The following FOXJ3 variants were observed in gnomAD, a reference collection of about 807,000 sequenced individuals.
FOXJ3 encodes forkhead box J3.
A neutral mutation model predicts 76.1 loss-of-function variants in FOXJ3; 22 were observed. The ratio of observed to expected loss-of-function variants is 0.29; its 90% CI spans 0.21 to 0.41. FOXJ3 has a LOEUF of 0.41. FOXJ3 is among the 10% of genes least tolerant of loss of function. The pLI, the probability that FOXJ3 is intolerant of heterozygous loss-of-function variation, is 1.00. For missense variants in FOXJ3, 613 were observed against 762.1 expected (o/e 0.80, Z 2.30); for synonymous variants, 269 against 261.2 (o/e 1.03, Z -0.29).
At chr1:42,199,796 T>C (rs1350515917) in intron 6 of FOXJ3, among the ~76,000 whole-genome samples, 1 of 151,828 alleles carries the variant, frequency 6.6e-6, no homozygotes, top group Non-Finnish European at 1.5e-5. Context: ...CTGTTGTTAA[T>C]GGTTATCTAG....
chr1:42,288,037 T>C (rs2124697722), intron 2 of FOXJ3, among the ~76,000 whole-genome samples: 1 of 152,324 alleles, frequency 6.6e-6, no homozygotes, highest in Admixed American at 6.5e-5. Context: ...AAAGATATTT[T>C]ATGCTATAAT....
At chr1:42,202,029 G>A (rs991011349) in intron 6 of FOXJ3, among the ~76,000 whole-genome samples, 1 of 151,680 alleles carries the variant, frequency 6.6e-6, no homozygotes, top group Non-Finnish European at 1.5e-5. Context: ...TTTTAATTCT[G>A]TAGAATCCAT....
Position 42,291,087 on chromosome 1 carries a change from C to T in FOXJ3, c.45-12415G>A, listed in dbSNP as rs6668089. ...ATAGATAGATAGATAGATAGATAGACAGACAGACAGACAGATAGATCCACA... is the reference window on the plus strand; with the variant it reads ...ATAGATAGATAGATAGATAGATAGATAGACAGACAGACAGATAGATCCACA... On this transcript the variant is annotated intron_variant, in intron 2 of 12. Transcript: ENST00000361346. 1.1e-3 allele frequency among the ~76,000 whole-genome samples: 158 copies of T among 140,850 alleles called. 1 individual carries two copies. Among genetic ancestry groups the T allele is most frequent in the African/African-American group, 4.1e-3 (152 of 36,632 alleles). 92.4% of individuals were successfully genotyped at this position (140,850 alleles called of 152,430 possible).
chr1:42,321,982 G>A (rs938521361), intron 1 of FOXJ3, among the ~76,000 whole-genome samples: 7 of 151,906 alleles, frequency 4.6e-5, no homozygotes, highest in Non-Finnish European at 7.4e-5. Flanking sequence ...CTGGAATATC[G>A]AATTAACTTG....
chr1:42,323,785 T>A, intron 1 of FOXJ3: 1 of 658,186 alleles, frequency 1.5e-6, no homozygotes, highest in African/African-American at 2.0e-5. Context: ...GATTATCTTG[T>A]GAAAGAAGGC....
In FOXJ3 at chr1:42,305,933, T is replaced by A. The variant is rs557675193; in HGVS notation, c.44+5117A>T. ...AATATACCCCACTTACGGATGTGAT[T>A]ATGCACTGCATGCCTGTATCAAAAT... On this transcript the variant is annotated intron_variant, in intron 2 of 12. Coordinates refer to ENST00000361346, the MANE Select transcript of FOXJ3 (RefSeq NM_014947.5). Among the ~76,000 whole-genome samples the A allele has an allele frequency of 3.7e-4, 57 of 152,342 alleles. 2 individuals carry two copies. In the South Asian group the frequency reaches 0.011, roughly 30 times the overall value.
At chr1:42,207,352 C>T (rs1317018168) in intron 5 of FOXJ3, among the ~76,000 whole-genome samples, 1 of 152,136 alleles carries the variant, frequency 6.6e-6, no homozygotes, top group East Asian at 1.9e-4. Context: ...AGCAACTGAA[C>T]GATCCCCTAA....
intron 2 of FOXJ3, among the ~76,000 whole-genome samples, chr1:42,292,495 A>C (rs1436434849): frequency 6.6e-6 from 1 of 152,284 alleles, no homozygotes; most frequent in Non-Finnish European, 1.5e-5. Flanking sequence ...TGATGCATGC[A>C]GCAACACAGA....
chr1:42,234,061 C>G (rs974623848), intron 4 of FOXJ3, among the ~76,000 whole-genome samples: 2 of 152,182 alleles, frequency 1.3e-5, no homozygotes, highest in Non-Finnish European at 2.9e-5. Context: ...TTGGTCTTTT[C>G]ACATAGTCCC....
Position 42,181,942 on chromosome 1 carries a change from G to C in FOXJ3, c.1728C>G (p.Leu576=). The C allele has an allele frequency of 6.2e-7, 1 of 1,612,518 alleles. No homozygotes were observed. The highest frequency in any genetic ancestry group is 8.5e-7 in the Non-Finnish European group (1 of 1,178,794). The part of the protein sequence containing the change: ...PPGYPHIPQA[L]STPGTTMAGH... ...CTGCCATCGTTGTTCCTGGAGTGCT[G>C]AGTGCCTGTGGGATATGAGGATAAC... Residue 576 remains leucine, a synonymous_variant, in exon 12 of 13, where the codon CTC becomes CTG. Transcript: ENST00000361346.
rs1033885242 is a variant in FOXJ3, at chr1:42,176,590, T to A, written c.*3120A>T. The A allele has an allele frequency of 6.6e-6, 1 of 152,668 alleles. No homozygotes were observed. Among genetic ancestry groups the A allele is most frequent in the East Asian group, 1.9e-4 (1 of 5,208 alleles). The allele number at this position is 152,668 out of a possible 1,614,324, so 9.5% of individuals were successfully genotyped here. A position where few individuals can be genotyped will look rare whatever the true frequency, so the allele number is the denominator to read the frequency against. On this transcript the variant is annotated 3_prime_UTR_variant, in exon 13 of 13. Transcript: ENST00000361346. Reference sequence around the variant, plus strand: ...ATTTATTTTAAGTGCCATTCATGCATATCAGTTCTGGCAGCAACAATCCTA... The same window carrying A: ...ATTTATTTTAAGTGCCATTCATGCAAATCAGTTCTGGCAGCAACAATCCTA...
At position 42,335,210 on chromosome 1, in the gene FOXJ3, T is replaced by G. The variant is rs1265995337; in HGVS notation, c.-169A>C. The stretch of plus-strand genomic sequence containing the variant: ...GCGGCGGCAGCAAGAGCAGCCAACA[T>G]CCGGGGCCGCGCACCCGGAACTACT... On this transcript the variant is annotated 5_prime_UTR_variant, in exon 1 of 13. The change abolishes an upstream ATG in the 5' untranslated region. Transcript: ENST00000361346. 6.6e-6 allele frequency: 1 copy of G among 151,868 alleles called. No homozygotes were observed. Among genetic ancestry groups the G allele is most frequent in the Non-Finnish European group, 1.5e-5 (1 of 67,994 alleles). 9.4% of individuals were successfully genotyped at this position (151,868 alleles called of 1,614,324 possible).
At chr1:42,203,482 G>A (rs1172808824) in intron 6 of FOXJ3, among the ~76,000 whole-genome samples, 1 of 152,058 alleles carries the variant, frequency 6.6e-6, no homozygotes, top group East Asian at 1.9e-4. Flanking sequence ...ATCTATTTTG[G>A]TTTGCTCTTA....
intron 4 of FOXJ3, among the ~76,000 whole-genome samples, chr1:42,252,328 A>C (rs1050287391): frequency 1.3e-5 from 2 of 152,154 alleles, no homozygotes; most frequent in Admixed American, 6.5e-5. Flanking sequence ...TCAGAGATTC[A>C]ATTTCTTCCT....
intron 2 of FOXJ3, among the ~76,000 whole-genome samples, chr1:42,303,820 T>C (rs1197023854): frequency 6.6e-6 from 1 of 152,172 alleles, no homozygotes; most frequent in Non-Finnish European, 1.5e-5. Flanking sequence ...TAATAAATGT[T>C]AGGTAATTCA....
chr1:42,235,734 C>CT (rs1648574051), intron 4 of FOXJ3, among the ~76,000 whole-genome samples: 1 of 151,888 alleles, frequency 6.6e-6, no homozygotes, highest in East Asian at 1.9e-4. Flanking sequence ...GGATAATTTT[C>CT]GTATTTTTAG....
intron 4 of FOXJ3, chr1:42,264,848 G>A (rs1651346934): frequency 5.5e-6 from 2 of 364,278 alleles, no homozygotes; most frequent in South Asian, 7.8e-5. Flanking sequence ...CTGACAAGCA[G>A]CTCAATCACC....
chr1:42,203,716 C>T (rs970112900), intron 6 of FOXJ3, among the ~76,000 whole-genome samples: 1 of 152,136 alleles, frequency 6.6e-6, no homozygotes, highest in Non-Finnish European at 1.5e-5. Context: ...TTGAACTCAG[C>T]CAGGTGTGGT....
At position 42,181,924 on chromosome 1, in the gene FOXJ3, C is replaced by T. The variant is rs149893297; in HGVS notation, c.1746G>A (p.Thr582=). ...TCTCTCTCTCTCTCTTACCTGCCAT[C>T]GTTGTTCCTGGAGTGCTGAGTGCCT... ...IPQALSTPGT[T]MAGHHRAMNQ... is the part of the protein sequence containing the mutation. Residue 582 remains threonine (T), a synonymous_variant, in exon 12 of 13, where the codon ACG becomes ACA. Coordinates refer to ENST00000361346, the MANE Select transcript of FOXJ3 (RefSeq NM_014947.5). The T allele has an allele frequency of 2.1e-5, 33 of 1,601,872 alleles. No homozygotes were observed. In the African/African-American group the frequency reaches 3.4e-4, roughly 16 times the overall value.
Sources: gnomAD v4.1 joint callset for allele counts (sites outside exome capture counted in the v4.1 genomes callset) on GRCh38, gnomAD v4.1.1 for gene constraint, MANE v1.5 for transcripts, NCBI Gene and HGNC (gene_info 2026-07-23, HGNC 2026-07-21) for gene names.